The following TRMT2A variants were observed in gnomAD, a reference collection of about 807,000 sequenced individuals.
TRMT2A encodes the protein tRNA methyltransferase 2A.
Under a neutral mutation model 59.3 loss-of-function variants are expected in TRMT2A, and 60 were observed. The ratio of observed to expected loss-of-function variants is 1.01; its 90% CI spans 0.82 to 1.26. The LOEUF is 1.26. Among genes scored for constraint, TRMT2A ranks in the 50% most tolerant of loss-of-function variants. TRMT2A has a pLI of 0.00. For missense variants in TRMT2A, 863 were observed against 845.2 expected (o/e 1.02, Z -0.26); for synonymous variants, 403 against 353.7 (o/e 1.14, Z -1.56).
At chr22:20,113,947 C>T (rs1168352606) in intron 7 of TRMT2A, 139 bp from the exon 8 acceptor site, 3 of 1,228,546 alleles carry the variant, frequency 2.4e-6, no homozygotes, top group South Asian at 1.6e-5. Context: ...AACGTCTTCC[C>T]TGACCCCACC....
rs777984203 is a variant in TRMT2A, at chr22:20,116,404, T to C, written c.233A>G (p.Gln78Arg). ...FTSEIFKLELQNVPRHASFSD... is the reference protein window; with the variant it reads ...FTSEIFKLELRNVPRHASFSD... ...GAAGCTGGCGTGGCGAGGCACGTTC[T>C]GCAGCTCCAGTTTAAAGATCTCAGA... is the stretch of plus-strand genomic sequence containing the variant. Residue 78 changes from glutamine (Q) to arginine (R), a missense_variant, in exon 2 of 12, where the codon CAG becomes CGG. Physicochemically the swap from Gln to Arg is conservative, Grantham distance 43. Transcript: ENST00000252136. 1 of 1,611,858 alleles carries C rather than the reference T, an allele frequency of 6.2e-7. No individual in the cohort carries two copies. The highest frequency in any genetic ancestry group is 8.5e-7 in the Non-Finnish European group (1 of 1,179,018).
intron 1 of TRMT2A, 116 bp from the exon 2 acceptor site, chr22:20,116,728 C>T (rs2050035644): frequency 1.4e-6 from 2 of 1,419,440 alleles, no homozygotes; most frequent in African/African-American, 1.4e-5. Flanking sequence ...TCAGCCCTGC[C>T]CCTCCCCCAG....
chr22:20,113,186 G>T lies in TRMT2A; in HGVS notation c.1481C>A (p.Pro494His). 6.3e-7 allele frequency: 1 copy of T among 1,593,244 alleles called. No individual in the cohort carries two copies. The highest frequency in any genetic ancestry group is 1.1e-5 in the South Asian group (1 of 88,570). The change falls in exon 10 of 12, where the codon CCC becomes CAC. Residue 494 changes from proline to histidine, a missense_variant. Transcript: ENST00000252136. ...GGAGGCCAGTCTGCTCACCAGGGTG[G>T]GCACCAGGTCCTCGGCCCTCCCGCA... ...FHCGRAEDLV[P>H]TLVSRLASQH...
intron 8 of TRMT2A, 45 bp from the exon 9 acceptor site, chr22:20,113,552 A>G: frequency 1.9e-6 from 3 of 1,611,590 alleles, no homozygotes; most frequent in African/African-American, 1.3e-5. Context: ...GGAGGGGAGT[A>G]CATGGGGCCC....
chr22:20,115,781 C>T lies in TRMT2A; in HGVS notation c.600-1G>A. 6.2e-7 allele frequency: 1 copy of T among 1,604,712 alleles called. No homozygotes were observed. The highest frequency in any genetic ancestry group is 8.5e-7 in the Non-Finnish European group (1 of 1,173,390). On this transcript the variant is annotated splice_acceptor_variant, in intron 2 of 11. Transcript: ENST00000252136. LOFTEE classifies it high-confidence loss of function. ...GGCACGGTTGGTGCTCCCGATTTCC[C>T]TGTAAGAGGAGCAGATCGGTGGTTG... is the stretch of plus-strand genomic sequence containing the variant.
Position 20,113,088 on chromosome 22 carries a change from G to T in TRMT2A, c.1549+30C>A, listed in dbSNP as rs376080691. Reference sequence around the variant, plus strand: ...AGCCACCCCATGTGTCCTCGTTCCCGTGCCACCTCCTTAAGCAAAAGCCAC... The same window carrying T: ...AGCCACCCCATGTGTCCTCGTTCCCTTGCCACCTCCTTAAGCAAAAGCCAC... On this transcript the variant is annotated intron_variant, in intron 10 of 11. Transcript: ENST00000252136. The T allele has an allele frequency of 2.7e-5, 44 of 1,609,700 alleles. 1 individual carries two copies. In the African/African-American group the frequency reaches 4.0e-4, roughly 15 times the overall value.
At chr22:20,113,050 G>A (rs772954703) in intron 10 of TRMT2A, 43 bp from the exon 11 acceptor site, 66 of 1,611,812 alleles carry the variant, frequency 4.1e-5, no homozygotes, top group East Asian at 2.9e-4. Flanking sequence ...GCCAGAGAGT[G>A]CATAACATGG....
chr22:20,115,893 A>C lies in TRMT2A; in HGVS notation c.600-113T>G, dbSNP rs138914233. ...CCTCCTTTGGGATGTCATTGTGCCC[A>C]CTGTGACGTGGGTGTCTTGCTGGCT... On this transcript the variant is annotated intron_variant, in intron 2 of 11. Transcript: ENST00000252136. The C allele has an allele frequency of 3.6e-6, 5 of 1,380,746 alleles. No individual in the cohort carries two copies. The African/African-American group carries it at 7.2e-5, about 20-fold the overall frequency. 85.5% of individuals were successfully genotyped at this position (1,380,746 alleles called of 1,614,324 possible).
In TRMT2A at chr22:20,115,349, C is replaced by G. The variant is rs755709537; in HGVS notation, c.807G>C (p.Thr269=). The G allele has an allele frequency of 1.2e-6, 2 of 1,612,746 alleles. No individual in the cohort carries two copies. Among genetic ancestry groups the G allele is most frequent in the South Asian group, 1.1e-5 (1 of 91,088 alleles). The change falls in exon 4 of 12, where the codon ACG becomes ACC. Residue 269 remains threonine (T), a synonymous_variant. Coordinates refer to ENST00000252136, the MANE Select transcript of TRMT2A (RefSeq NM_022727.6). The part of the protein sequence containing the change: ...GCRLGKYKGG[T]CAVAAPFDTV... ...TGTCAAACGGGGCTGCCACAGCACACGTCCCGCCCTTGTACTTGCCGAGCC... is the reference window on the plus strand; with the variant it reads ...TGTCAAACGGGGCTGCCACAGCACAGGTCCCGCCCTTGTACTTGCCGAGCC...
intron 8 of TRMT2A, 47 bp downstream of exon 8, chr22:20,113,639 G>A: frequency 1.3e-6 from 2 of 1,592,288 alleles, no homozygotes; most frequent in Non-Finnish European, 1.7e-6. Flanking sequence ...GTCAATGGGG[G>A]TCTTGGGGTG....
chr22:20,115,590 G>A (rs774459644), intron 3 of TRMT2A, 82 bp downstream of exon 3: 1 of 1,568,072 alleles, frequency 6.4e-7, no homozygotes, highest in Non-Finnish European at 8.8e-7. Context: ...ACAAAGCAGG[G>A]AGATCAACAG....
At chr22:20,115,131 C>T (rs2049970919) in intron 4 of TRMT2A, 52 bp from the exon 5 acceptor site, 1 of 1,559,190 alleles carries the variant, frequency 6.4e-7, no homozygotes, top group Non-Finnish European at 8.7e-7. Flanking sequence ...AAGCAGTCCC[C>T]CTGCTCTCTC....
Position 20,112,504 on chromosome 22 carries a change from T to TC in TRMT2A, c.*58dup, listed in dbSNP as rs1323055217. The TC allele has an allele frequency of 4.5e-6, 7 of 1,561,404 alleles. No individual in the cohort carries two copies. The South Asian group carries it at 4.7e-5, about 11-fold the overall frequency. On this transcript the variant is annotated 3_prime_UTR_variant, in exon 12 of 12. Transcript: ENST00000252136. ...ATATCCTGGCCAGCAAGCCATGCCT[T>TC]CCCCGCCCCTGGGGCCCTGGGAGCC...
rs1458671565 is a variant in TRMT2A at position 20,115,292 on chromosome 22, C to T, written c.864G>A (p.Val288=). The change falls in exon 4 of 12, where the codon GTG becomes GTA. Residue 288 remains valine (V), a synonymous_variant. Coordinates refer to ENST00000252136, the MANE Select transcript of TRMT2A (RefSeq NM_022727.6). ...TVHIPEATKQ[V]VKAFQEFIRS... ...GGATGAACTCCTGGAAGGCCTTCAC[C>T]ACCTGCTTGGTGGCTTCGGGGATGT... 1 of 1,612,666 alleles carries T rather than the reference C, an allele frequency of 6.2e-7. No homozygotes were observed. Among genetic ancestry groups the T allele is most frequent in the South Asian group, 1.1e-5 (1 of 91,086 alleles).
chr22:20,116,250 C>A lies in TRMT2A; in HGVS notation c.387G>T (p.Leu129Phe). The change falls in exon 2 of 12, where the codon TTG (leucine) becomes TTT (phenylalanine). Residue 129 changes from leucine to phenylalanine, a missense_variant. Transcript: ENST00000252136. ...AAERDKALRVLHGALWKGRPL... is the reference protein window; with the variant it reads ...AAERDKALRVFHGALWKGRPL... ...GGCGGCCTTTCCAGAGGGCACCATG[C>A]AAAACGCGCAGGGCCTTGTCCCTCT... 1.2e-6 allele frequency: 2 copies of A among 1,612,934 alleles called. No homozygotes were observed. The highest frequency in any genetic ancestry group is 1.7e-6 in the Non-Finnish European group (2 of 1,180,018).
chr22:20,113,405 A>G, intron 9 of TRMT2A, 27 bp downstream of exon 9: 7 of 597,180 alleles, frequency 1.2e-5, no homozygotes, highest in Non-Finnish European at 1.8e-5. Flanking sequence ...CCCCATCCCC[A>G]CCCCCACCCA....
rs2050016596 is a variant in TRMT2A, at chr22:20,116,317, C to T, written c.320G>A (p.Gly107Glu). 1 of 1,612,970 alleles carries T rather than the reference C, an allele frequency of 6.2e-7. No homozygotes were observed. The highest frequency in any genetic ancestry group is 8.5e-7 in the Non-Finnish European group (1 of 1,180,018). ...GLQPHKTKLF[G>E]QPPCAFVTFR... ...TGTCACAAAGGCGCAGGGTGGTTGC[C>T]CAAAGAGTTTGGTTTTGTGGGGCTG... The change falls in exon 2 of 12, where the codon GGG (glycine) becomes GAG (glutamate). Residue 107 changes from glycine to glutamate, a missense_variant. Gly to Glu is a moderately conservative substitution (Grantham distance 98). Transcript: ENST00000252136.
chr22:20,114,367 C>T (rs2049939822), intron 7 of TRMT2A, among the ~76,000 whole-genome samples: 1 of 152,234 alleles, frequency 6.6e-6, no homozygotes, highest in South Asian at 2.1e-4. Flanking sequence ...CTCCCTGTGA[C>T]AAGGGCCACT....
At chr22:20,115,626 T>C in intron 3 of TRMT2A, 46 bp downstream of exon 3, 1 of 1,606,440 alleles carries the variant, frequency 6.2e-7, no homozygotes, top group Non-Finnish European at 8.5e-7. Flanking sequence ...GCAAAGTTTT[T>C]CAAAACCCAG....
Sources: gnomAD v4.1 joint callset for allele counts (sites outside exome capture counted in the v4.1 genomes callset) on GRCh38, gnomAD v4.1.1 for gene constraint, MANE v1.5 for transcripts, NCBI Gene and HGNC (gene_info 2026-07-23, HGNC 2026-07-21) for gene names.